The following COX16 variants were observed in gnomAD, a reference collection of about 807,000 sequenced individuals.
COX16 encodes the protein cytochrome c oxidase assembly factor COX16.
In COX16, 12 loss-of-function variants were observed where a neutral mutation model predicts 15.4. That is an observed-to-expected ratio of 0.78 (90% CI 0.50 to 1.26). The LOEUF is 1.26. Among genes scored for constraint, COX16 ranks in the 50% most tolerant of loss-of-function variants. The probability of loss-of-function intolerance (pLI) is 0.00; values close to 1 mark genes in which losing one functional copy is unlikely to be tolerated. For missense variants in COX16, 124 were observed against 127.6 expected (o/e 0.97, Z 0.14); for synonymous variants, 46 against 41.1 (o/e 1.12, Z -0.46).
intron 1 of COX16, among the ~76,000 whole-genome samples, chr14:70,354,841 C>CATGT (rs1555345905): frequency 6.7e-6 from 1 of 148,880 alleles, no homozygotes; most frequent in African/African-American, 2.5e-5. Flanking sequence ...TGTGTGTGTG[C>CATGT]GTGTGTGTGT....
chr14:70,329,919 T>G (rs1886227452), intron 2 of COX16, among the ~76,000 whole-genome samples: 1 of 151,726 alleles, frequency 6.6e-6, no homozygotes, highest in Non-Finnish European at 1.5e-5. Context: ...GAATAATGCA[T>G]GAAGAGATAA....
At chr14:70,335,699 A>G (rs572837607) in intron 2 of COX16, among the ~76,000 whole-genome samples, 116 of 152,230 alleles carry the variant, frequency 7.6e-4, no homozygotes, top group African/African-American at 2.7e-3. Flanking sequence ...ACCTTTGTCT[A>G]TGACTGCCTT....
intron 1 of COX16, among the ~76,000 whole-genome samples, chr14:70,346,252 T>C (rs1886777565): frequency 6.6e-6 from 1 of 152,230 alleles, no homozygotes; most frequent in South Asian, 2.1e-4. Context: ...TTAGCCTTCA[T>C]AGTCTTTAAC....
intron 3 of COX16, 113 bp from the exon 4 acceptor site, chr14:70,326,562 G>C (rs1323401062): frequency 4.7e-6 from 3 of 632,510 alleles, no homozygotes; most frequent in Admixed American, 8.0e-5. Flanking sequence ...ATAGGTCCTC[G>C]ATTACAACTG....
At chr14:70,329,542 T>A (rs1364380919) in intron 2 of COX16, among the ~76,000 whole-genome samples, 1 of 151,706 alleles carries the variant, frequency 6.6e-6, no homozygotes, top group Non-Finnish European at 1.5e-5. Context: ...GGACACGGGG[T>A]TTGAATAACA....
At chr14:70,326,793 AG>A (rs1460694275) in intron 3 of COX16, among the ~76,000 whole-genome samples, 2 of 152,234 alleles carry the variant, frequency 1.3e-5, no homozygotes, top group African/African-American at 4.8e-5. Context: ...AGTGACTGAA[AG>A]GGTTATCAGG....
chr14:70,356,916 T>G (rs1190838685), intron 1 of COX16, among the ~76,000 whole-genome samples: 1 of 151,998 alleles, frequency 6.6e-6, no homozygotes, highest in Non-Finnish European at 1.5e-5. Context: ...TGTCATATTC[T>G]CACCCCTCCA....
chr14:70,338,456 T>A (rs1389685836), intron 2 of COX16, among the ~76,000 whole-genome samples: 1 of 152,120 alleles, frequency 6.6e-6, no homozygotes, highest in Non-Finnish European at 1.5e-5. Flanking sequence ...ATCAAGTACC[T>A]AAGAGCTAAG....
chr14:70,335,172 C>G (rs752385437), intron 2 of COX16, among the ~76,000 whole-genome samples: 87 of 152,226 alleles, frequency 5.7e-4, no homozygotes, highest in Admixed American at 2.2e-3. Context: ...AATATATATG[C>G]ACCCAACAGC....
intron 2 of COX16, among the ~76,000 whole-genome samples, chr14:70,334,660 G>A (rs1033298661): frequency 1.3e-5 from 2 of 152,074 alleles, no homozygotes; most frequent in Admixed American, 6.6e-5. Context: ...ATATCTATAG[G>A]ATGTTTTCTG....
At chr14:70,350,140 A>T (rs1251777411) in intron 1 of COX16, among the ~76,000 whole-genome samples, 1 of 152,164 alleles carries the variant, frequency 6.6e-6, no homozygotes, top group Non-Finnish European at 1.5e-5. Flanking sequence ...GATGAAAGAA[A>T]AACTCTTCCC....
At position 70,350,783 on chromosome 14, in the gene COX16, C is replaced by T. The variant is rs568262256; in HGVS notation, c.70-8054G>A. On this transcript the variant is annotated intron_variant, in intron 1 of 3. Transcript: ENST00000389912. ...TAAAAATGAACAAACAATAGTTCAT[C>T]CAATTCATTTGGTTAATTCATCTTT... 4.6e-5 allele frequency among the ~76,000 whole-genome samples: 7 copies of T among 152,296 alleles called. 1 individual carries two copies. In the South Asian group the frequency reaches 8.3e-4, roughly 18 times the overall value.
chr14:70,330,319 T>C (rs1327403890), intron 2 of COX16, among the ~76,000 whole-genome samples: 53 of 152,138 alleles, frequency 3.5e-4, no homozygotes, highest in Admixed American at 3.5e-3. Context: ...TTTCCAAAAC[T>C]GACAAAGGCA....
chr14:70,359,637 T>C lies in COX16; in HGVS notation c.-50A>G. The C allele has an allele frequency of 6.5e-7, 1 of 1,539,756 alleles. No homozygotes were observed. The highest frequency in any genetic ancestry group is 1.4e-5 in the African/African-American group (1 of 73,582). Reference sequence around the variant, plus strand: ...AACTCCAAGCGGGCCTAGCGCAGACTCCCAAATCTCAGCAGCTCACGCTCT... The same window carrying C: ...AACTCCAAGCGGGCCTAGCGCAGACCCCCAAATCTCAGCAGCTCACGCTCT... On this transcript the variant is annotated 5_prime_UTR_variant, in exon 1 of 4. Coordinates refer to ENST00000389912, the MANE Select transcript of COX16 (RefSeq NM_016468.7).
At chr14:70,352,207 G>A (rs1238262889) in intron 1 of COX16, among the ~76,000 whole-genome samples, 2 of 151,926 alleles carry the variant, frequency 1.3e-5, no homozygotes, top group East Asian at 3.8e-4. Flanking sequence ...TATTTTTTGA[G>A]ACCAAGTCTC....
intron 3 of COX16, among the ~76,000 whole-genome samples, chr14:70,328,388 C>T (rs1166840184): frequency 6.6e-6 from 1 of 151,968 alleles, no homozygotes; most frequent in African/African-American, 2.4e-5. Flanking sequence ...TTCACAATGA[C>T]TACCTTTCAA....
chr14:70,350,095 T>C lies in COX16; in HGVS notation c.70-7366A>G, dbSNP rs375645296. On this transcript the variant is annotated intron_variant, in intron 1 of 3. Transcript: ENST00000389912. ...TTTTCTATAACCAAATAGACAGGAATGTAAGATTCTCCCCGGGGCCTGAAA... is the reference window on the plus strand; with the variant it reads ...TTTTCTATAACCAAATAGACAGGAACGTAAGATTCTCCCCGGGGCCTGAAA... Among the ~76,000 whole-genome samples, 9 of 152,250 alleles carry C rather than the reference T, an allele frequency of 5.9e-5. No individual in the cohort carries two copies. The East Asian group carries it at 1.7e-3, about 29-fold the overall frequency.
intron 1 of COX16, among the ~76,000 whole-genome samples, chr14:70,358,692 TA>T (rs1169138631): frequency 1.3e-4 from 20 of 152,222 alleles, no homozygotes; most frequent in African/African-American, 4.6e-4. Flanking sequence ...AGTCTGTATT[TA>T]AAAGCAGCTT....
chr14:70,333,075 G>C (rs1886341362), intron 2 of COX16, among the ~76,000 whole-genome samples: 1 of 152,200 alleles, frequency 6.6e-6, no homozygotes, highest in African/African-American at 2.4e-5. Flanking sequence ...AGTGTGCTTA[G>C]AATCCCTGGA....
Sources: gnomAD v4.1 joint callset for allele counts (sites outside exome capture counted in the v4.1 genomes callset) on GRCh38, gnomAD v4.1.1 for gene constraint, MANE v1.5 for transcripts, NCBI Gene and HGNC (gene_info 2026-07-23, HGNC 2026-07-21) for gene names.